LGSN: variants seen among roughly 807,000 people sequenced by gnomAD.
The protein encoded by LGSN is lengsin.
LGSN carries 21 observed loss-of-function variants against 19.5 expected under a neutral mutation model. The observed-to-expected ratio is 1.07, with a 90% CI of 0.76 to 1.55. The LOEUF (loss-of-function observed/expected upper bound fraction) is 1.55, where lower values mean the gene tolerates loss of function less well. Among genes scored for constraint, LGSN ranks in the 40% most tolerant of loss-of-function variants. LGSN has a pLI of 0.00. For synonymous variants in LGSN, 257 were observed against 215.6 expected (o/e 1.19, Z -1.68); for missense variants, 673 against 608.5 (o/e 1.11, Z -1.12).
chr6:63,542,022 GGTGTGTGTGTGTGT>G, the LGSN span, among the ~76,000 whole-genome samples: 22 of 146,842 alleles, frequency 1.5e-4, no homozygotes, highest in African/African-American at 2.3e-4. Context: ...AAGAAACTGT[GGTGTGTGTGTGTGT>G]GTGTGTGTGT....
chr6:63,285,857 T>TGATGAA, intron 2 of LGSN, 104 bp from the exon 3 acceptor site: 1 of 823,706 alleles, frequency 1.2e-6, no homozygotes, highest in Non-Finnish European at 1.9e-6. Context: ...AACAAAAACA[T>TGATGAA]TATATATTCA....
At chr6:63,300,382 T>C (rs952618329) in intron 1 of LGSN, among the ~76,000 whole-genome samples, 3 of 152,182 alleles carry the variant, frequency 2.0e-5, no homozygotes, top group African/African-American at 4.8e-5. Flanking sequence ...AATTCAGAAA[T>C]AGGGAAAGGA....
At chr6:63,522,233 T>C in the LGSN span, among the ~76,000 whole-genome samples, 6 of 152,248 alleles carry the variant, frequency 3.9e-5, no homozygotes, top group African/African-American at 1.2e-4. Context: ...GGCTACAATA[T>C]ATGGCAAATT....
At chr6:63,545,304 A>C in the LGSN span, among the ~76,000 whole-genome samples, 1 of 152,096 alleles carries the variant, frequency 6.6e-6, no homozygotes, top group East Asian at 1.9e-4. Context: ...GGCTCAAGAA[A>C]TCTCTGGGCG....
intron 1 of LGSN, among the ~76,000 whole-genome samples, chr6:63,313,783 C>G (rs574664108): frequency 6.6e-6 from 1 of 152,026 alleles, no homozygotes; most frequent in Non-Finnish European, 1.5e-5. Context: ...TTGCAGTGAG[C>G]CAAGATTGCA....
At chr6:63,362,023 T>G in the LGSN span, among the ~76,000 whole-genome samples, 1 of 152,192 alleles carries the variant, frequency 6.6e-6, no homozygotes. Context: ...GAGTTTTCAT[T>G]TCAAGAGGGA....
At chr6:63,428,121 T>C in the LGSN span, among the ~76,000 whole-genome samples, 14 of 152,116 alleles carry the variant, frequency 9.2e-5, no homozygotes, top group Admixed American at 9.2e-4. Context: ...CTGTAGGTGT[T>C]TATTTTCTTC....
the LGSN span, among the ~76,000 whole-genome samples, chr6:63,339,270 A>G: frequency 6.6e-6 from 1 of 152,138 alleles, no homozygotes; most frequent in Admixed American, 6.5e-5. Flanking sequence ...TGAAAATGGG[A>G]TATTGAAGTT....
the LGSN span, among the ~76,000 whole-genome samples, chr6:63,397,732 A>T: frequency 2.0e-5 from 3 of 152,312 alleles, no homozygotes; most frequent in South Asian, 6.2e-4. Flanking sequence ...AACCTGGCCA[A>T]CATGGTGAAA....
intron 1 of LGSN, among the ~76,000 whole-genome samples, chr6:63,311,476 C>T (rs764088847): frequency 6.6e-6 from 1 of 152,156 alleles, no homozygotes; most frequent in African/African-American, 2.4e-5. Flanking sequence ...AAAAGAGTCA[C>T]CCATTTCAAA....
the LGSN span, among the ~76,000 whole-genome samples, chr6:63,359,347 T>C: frequency 2.6e-5 from 4 of 152,206 alleles, no homozygotes; most frequent in Non-Finnish European, 5.9e-5. Context: ...GCTGGCCTCA[T>C]AAAATGAGTT....
chr6:63,498,279 G>C, the LGSN span, among the ~76,000 whole-genome samples: 1 of 151,928 alleles, frequency 6.6e-6, no homozygotes, highest in South Asian at 2.1e-4. Context: ...TTTGCCAAAA[G>C]TATCTCACCT....
At chr6:63,421,869 A>G in the LGSN span, among the ~76,000 whole-genome samples, 2 of 152,228 alleles carry the variant, frequency 1.3e-5, no homozygotes, top group African/African-American at 2.4e-5. Flanking sequence ...TCTGGAGGGA[A>G]AGAAAAAAGA....
chr6:63,350,030 T>A, the LGSN span, among the ~76,000 whole-genome samples: 1 of 152,236 alleles, frequency 6.6e-6, no homozygotes, highest in Non-Finnish European at 1.5e-5. Flanking sequence ...GAAAGCATTT[T>A]AAAACTATTC....
chr6:63,375,229 C>G, the LGSN span, among the ~76,000 whole-genome samples: 1 of 151,686 alleles, frequency 6.6e-6, no homozygotes, highest in African/African-American at 2.4e-5. Flanking sequence ...TAAATATATC[C>G]AGAGCTGATA....
the LGSN span, among the ~76,000 whole-genome samples, chr6:63,487,063 G>A: frequency 6.6e-6 from 1 of 151,890 alleles, no homozygotes; most frequent in Non-Finnish European, 1.5e-5. Flanking sequence ...TCAAACTCCT[G>A]ACTTCAAGTG....
the LGSN span, among the ~76,000 whole-genome samples, chr6:63,329,230 A>G: frequency 2.0e-5 from 3 of 152,214 alleles, no homozygotes; most frequent in Non-Finnish European, 4.4e-5. Context: ...GGCTATCCCT[A>G]AACCCTTGGG....
the LGSN span, among the ~76,000 whole-genome samples, chr6:63,326,405 AG>A: frequency 6.6e-6 from 1 of 152,232 alleles, no homozygotes; most frequent in African/African-American, 2.4e-5. Flanking sequence ...ATTCTGCACC[AG>A]GGCTGCAGAT....
chr6:63,401,096 T>G, the LGSN span, among the ~76,000 whole-genome samples: 7 of 152,242 alleles, frequency 4.6e-5, no homozygotes, highest in Non-Finnish European at 7.4e-5. Flanking sequence ...TTCAATAAAT[T>G]TTTCTATACC....
Sources: gnomAD v4.1 joint callset for allele counts (sites outside exome capture counted in the v4.1 genomes callset) on GRCh38, gnomAD v4.1.1 for gene constraint, MANE v1.5 for transcripts, NCBI Gene and HGNC (gene_info 2026-07-23, HGNC 2026-07-21) for gene names.